Variants in AVEN observed in about 807,000 individuals in gnomAD.
The protein encoded by AVEN is apoptosis and caspase activation inhibitor.
Under a neutral mutation model 38.1 loss-of-function variants are expected in AVEN, and 41 were observed. The observed-to-expected ratio is 1.08, with a 90% CI of 0.84 to 1.40. The LOEUF is 1.40. AVEN is among the 40% of genes most tolerant of loss of function. AVEN has a pLI of 0.00. For missense variants in AVEN, 605 were observed against 438.8 expected (o/e 1.38, Z -3.38); for synonymous variants, 206 against 171.8 (o/e 1.20, Z -1.56).
In AVEN at chr15:33,886,245, G is replaced by A. The variant is rs958078451; in HGVS notation, c.446-10250C>T. 3.3e-5 allele frequency among the ~76,000 whole-genome samples: 5 copies of A among 152,166 alleles called. No homozygotes were observed. In the South Asian group the frequency reaches 6.2e-4, roughly 19 times the overall value. ...TGAAAGGGACCCAGTGGGAGATAAC[G>A]GAATCATGGGGGGCGGTCTCCCCAT... On this transcript the variant is annotated intron_variant, in intron 2 of 5. Transcript: ENST00000306730.
chr15:33,929,139 G>T (rs556407164), intron 2 of AVEN, among the ~76,000 whole-genome samples: 1 of 152,130 alleles, frequency 6.6e-6, no homozygotes, highest in South Asian at 2.1e-4. Context: ...TTGGAGAATG[G>T]GGTGCCTGAC....
chr15:34,038,353 C>A (rs1001240698), intron 1 of AVEN, among the ~76,000 whole-genome samples: 1 of 152,224 alleles, frequency 6.6e-6, no homozygotes. Flanking sequence ...AATCCTTTCC[C>A]TCCTAATAAC....
intron 2 of AVEN, among the ~76,000 whole-genome samples, chr15:33,969,403 TTTTG>T (rs1895530421): frequency 6.6e-6 from 1 of 151,952 alleles, no homozygotes; most frequent in Non-Finnish European, 1.5e-5. Flanking sequence ...TTTATCCCAA[TTTTG>T]TTTTATTTAA....
At chr15:33,923,461 G>A (rs1398596782) in intron 2 of AVEN, among the ~76,000 whole-genome samples, 7 of 152,256 alleles carry the variant, frequency 4.6e-5, no homozygotes, top group East Asian at 1.9e-4. Context: ...AGTTACAAAC[G>A]TAGAGCTGAG....
chr15:33,916,479 T>A (rs941082827), intron 2 of AVEN, among the ~76,000 whole-genome samples: 1 of 151,718 alleles, frequency 6.6e-6, no homozygotes, highest in Non-Finnish European at 1.5e-5. Flanking sequence ...ACAAGAAACT[T>A]AAATCAGCAG....
At chr15:34,045,285 C>T (rs2140813283) in intron 5 of AVEN, among the ~76,000 whole-genome samples, 1 of 152,278 alleles carries the variant, frequency 6.6e-6, no homozygotes, top group East Asian at 1.9e-4. Context: ...CATTGAAATC[C>T]TGCTCTGGAT....
In AVEN at chr15:33,866,544, G is replaced by C. The variant is rs2153032575; in HGVS notation, c.*69C>G. 8.4e-7 allele frequency: 1 copy of C among 1,195,830 alleles called. No individual in the cohort carries two copies. The allele number at this position is 1,195,830 out of a possible 1,614,324, so 74.1% of individuals were successfully genotyped here. A position where few individuals can be genotyped will look rare whatever the true frequency, so the allele number is the denominator to read the frequency against. On this transcript the variant is annotated 3_prime_UTR_variant, in exon 6 of 6. Transcript: ENST00000306730. ...TGCTTGTAAACTGGCTGGTCCTGAA[G>C]GACAGCCTTATGCCCACCTGCCGTT...
At chr15:33,865,081 AG>A (rs1597150766), downstream of AVEN, 1 of 1,465,212 alleles carries the variant, frequency 6.8e-7, no homozygotes, top group African/African-American at 1.4e-5. Context: ...ACTGGGTTTT[AG>A]CTTTTACTGT....
intron 2 of AVEN, among the ~76,000 whole-genome samples, chr15:33,936,367 G>A (rs1054366486): frequency 6.6e-6 from 1 of 152,130 alleles, no homozygotes; most frequent in South Asian, 2.1e-4. Context: ...TGACTAGAAA[G>A]CATAATTGAT....
intron 3 of AVEN, among the ~76,000 whole-genome samples, chr15:33,872,345 C>A (rs1400212605): frequency 6.6e-6 from 1 of 152,194 alleles, no homozygotes; most frequent in African/African-American, 2.4e-5. Context: ...AAGAAAAGAA[C>A]CCGCTATATA....
chr15:34,049,367 C>T (rs575031489), intron 5 of AVEN, among the ~76,000 whole-genome samples: 4 of 152,280 alleles, frequency 2.6e-5, no homozygotes, highest in African/African-American at 9.6e-5. Context: ...CATAACAGAC[C>T]TAATGGTGCT....
intron 5 of AVEN, among the ~76,000 whole-genome samples, chr15:34,052,704 G>C (rs1039465034): frequency 6.6e-6 from 1 of 152,032 alleles, no homozygotes; most frequent in African/African-American, 2.4e-5. Context: ...ATCAACAACA[G>C]GAAAGCACAG....
chr15:33,979,352 T>A (rs964707771), intron 2 of AVEN, among the ~76,000 whole-genome samples: 1 of 152,062 alleles, frequency 6.6e-6, no homozygotes, highest in Middle Eastern at 3.4e-3. Context: ...CAAAACCATA[T>A]ACAAAAATTA....
chr15:33,869,697 A>G (rs773900594), intron 4 of AVEN, among the ~76,000 whole-genome samples: 2 of 152,222 alleles, frequency 1.3e-5, no homozygotes, highest in African/African-American at 2.4e-5. Context: ...AGTAAATGCT[A>G]TACAGCAAAT....
At chr15:34,073,989 CTTTTTTTTTTTTTT>C (rs5811818) in intron 1 of AVEN, among the ~76,000 whole-genome samples, 1 of 31,474 alleles carries the variant, frequency 3.2e-5, no homozygotes, top group African/African-American at 6.6e-5. Flanking sequence ...TCTTCTTCTT[CTTTTTTTTTTTTTT>C]TTTTTTTTTT....
At chr15:33,972,824 G>C (rs1383518289) in intron 2 of AVEN, among the ~76,000 whole-genome samples, 11 of 152,138 alleles carry the variant, frequency 7.2e-5, no homozygotes, top group Admixed American at 6.5e-5. Flanking sequence ...CCCTGATTCA[G>C]AGTATCAGTC....
intron 1 of AVEN, among the ~76,000 whole-genome samples, chr15:34,015,763 C>T (rs1003229979): frequency 6.6e-6 from 1 of 152,210 alleles, no homozygotes; most frequent in African/African-American, 2.4e-5. Flanking sequence ...CACGGATCTT[C>T]ACTCCATCCC....
At chr15:33,940,548 C>CT (rs573338724) in intron 2 of AVEN, among the ~76,000 whole-genome samples, 2,511 of 146,150 alleles carry the variant, frequency 0.017, 25 homozygotes, top group South Asian at 0.027. Context: ...TGTGAAATTC[C>CT]TTTTTTTTTT....
chr15:33,852,671 C>T, the AVEN span: 1 of 190,380 alleles, frequency 5.3e-6, no homozygotes, highest in South Asian at 9.0e-5. Context: ...AGTAGTGACT[C>T]ATTGAATGGA....
Sources: allele counts gnomAD v4.1 joint callset (sites outside exome capture counted in the v4.1 genomes callset), GRCh38; gene constraint gnomAD v4.1.1; transcripts MANE v1.5; gene names NCBI Gene and HGNC (gene_info 2026-07-23, HGNC 2026-07-21).